SHB: variants seen among roughly 807,000 people sequenced by gnomAD.
SHB encodes SH2 domain-containing adapter protein B.
Under a neutral mutation model 52.3 loss-of-function variants are expected in SHB, and 20 were observed. The ratio of observed to expected loss-of-function variants is 0.38; its 90% CI spans 0.27 to 0.56. The LOEUF (loss-of-function observed/expected upper bound fraction) is 0.56, where lower values mean the gene tolerates loss of function less well. Among genes scored for constraint, SHB ranks in the 20% least tolerant of loss-of-function variants. The probability of loss-of-function intolerance (pLI) is 0.71; values close to 1 mark genes in which losing one functional copy is unlikely to be tolerated. For synonymous variants in SHB, 397 were observed against 316.5 expected (o/e 1.25, Z -2.70); for missense variants, 825 against 723.3 (o/e 1.14, Z -1.61).
At chr9:37,964,135 C>T (rs745597775) in intron 3 of SHB, among the ~76,000 whole-genome samples, 1 of 152,216 alleles carries the variant, frequency 6.6e-6, no homozygotes, top group Non-Finnish European at 1.5e-5. Flanking sequence ...GGATCACCAA[C>T]AAGAGGCCTC....
intron 2 of SHB, among the ~76,000 whole-genome samples, chr9:37,996,565 G>C (rs1332770863): frequency 1.3e-5 from 2 of 152,180 alleles, no homozygotes; most frequent in Non-Finnish European, 2.9e-5. Context: ...TATCTCTATA[G>C]TACCAACTGG....
chr9:37,958,686 T>C (rs1832661761), intron 3 of SHB, among the ~76,000 whole-genome samples: 1 of 152,138 alleles, frequency 6.6e-6, no homozygotes. Flanking sequence ...CATCAGCTAA[T>C]AAGGGGGCTT....
chr9:37,984,839 G>T (rs1377557968), intron 2 of SHB, among the ~76,000 whole-genome samples: 1 of 152,148 alleles, frequency 6.6e-6, no homozygotes, highest in Non-Finnish European at 1.5e-5. Context: ...CCTAACCAGG[G>T]TGCTTCAACG....
At chr9:37,964,974 A>G (rs1355289845) in intron 3 of SHB, among the ~76,000 whole-genome samples, 2 of 152,238 alleles carry the variant, frequency 1.3e-5, no homozygotes, top group East Asian at 3.8e-4. Context: ...CTGATACAGT[A>G]TGTCTCCCGA....
intron 5 of SHB, among the ~76,000 whole-genome samples, chr9:37,945,222 C>CA (rs1487855288): frequency 1.3e-5 from 2 of 152,206 alleles, no homozygotes; most frequent in African/African-American, 4.8e-5. Flanking sequence ...CTGACAGTGT[C>CA]AAGAATGCCA....
intron 1 of SHB, among the ~76,000 whole-genome samples, chr9:38,039,188 G>C (rs1821535302): frequency 6.6e-6 from 1 of 152,218 alleles, no homozygotes; most frequent in African/African-American, 2.4e-5. Context: ...GTCAGATACT[G>C]CTGTCAGGCG....
chr9:38,036,357 A>G (rs1424435608), intron 1 of SHB, among the ~76,000 whole-genome samples: 2 of 152,248 alleles, frequency 1.3e-5, no homozygotes, highest in African/African-American at 4.8e-5. Flanking sequence ...GGGAGGAACA[A>G]AAGTTAGGGC....
chr9:38,050,670 C>T (rs1314816448), intron 1 of SHB, among the ~76,000 whole-genome samples: 5 of 152,140 alleles, frequency 3.3e-5, no homozygotes, highest in Non-Finnish European at 5.9e-5. Flanking sequence ...ATGTATACAA[C>T]TGAAATTTAC....
chr9:37,960,196 G>T (rs943837451), intron 3 of SHB, among the ~76,000 whole-genome samples: 1 of 152,182 alleles, frequency 6.6e-6, no homozygotes, highest in African/African-American at 2.4e-5. Flanking sequence ...AACTCCAAGT[G>T]CAGTGATTCG....
chr9:38,002,053 A>G (rs957576580), intron 2 of SHB, among the ~76,000 whole-genome samples: 2 of 152,098 alleles, frequency 1.3e-5, no homozygotes, highest in African/African-American at 4.8e-5. Flanking sequence ...AAGAGACCCT[A>G]GCTCAAGCCC....
At position 38,067,959 on chromosome 9, in the gene SHB, C is replaced by A; in HGVS notation, c.687G>T (p.Ala229=). ...KLLNKCAASA[A]EESGAGKKDK... ...CCTTCTTGCCGGCCCCGCTCTCCTC[C>A]GCGGCTGAGGCGGCGCACTTGTTGA... Residue 229 remains alanine, a synonymous_variant, in exon 1 of 6, where the codon GCG becomes GCT. Coordinates refer to ENST00000377707, the MANE Select transcript of SHB (RefSeq NM_003028.3). 2 of 1,551,458 alleles carry A rather than the reference C, an allele frequency of 1.3e-6. No homozygotes were observed. Among genetic ancestry groups the A allele is most frequent in the Admixed American group, 1.8e-5 (1 of 54,176 alleles).
At position 38,068,192 on chromosome 9, in the gene SHB, A is replaced by AGGACGC. The variant is rs991270304; in HGVS notation, c.448_453dup (p.Ala150_Ser151dup). On this transcript the variant is annotated inframe_insertion, in exon 1 of 6. Coordinates refer to ENST00000377707, the MANE Select transcript of SHB (RefSeq NM_003028.3). ...TGCGGAGAGCCGGAGGACGAGGACGAGGACGCGGCGGCCCCCGCGCCCGAG... is the reference window on the plus strand; with the variant it reads ...TGCGGAGAGCCGGAGGACGAGGACGAGGACGCGGACGCGGCGGCCCCCGCGCCCGAG... The AGGACGC allele has an allele frequency of 7.1e-6, 10 of 1,409,822 alleles. No individual in the cohort carries two copies. Among genetic ancestry groups the AGGACGC allele is most frequent in the African/African-American group, 6.0e-5 (4 of 66,218 alleles). The allele number at this position is 1,409,822 out of a possible 1,614,324, so 87.3% of individuals were successfully genotyped here.
chr9:38,068,185 G>C lies in SHB; in HGVS notation c.461C>G (p.Ser154Trp). 2 of 1,414,882 alleles carry C rather than the reference G, an allele frequency of 1.4e-6. No individual in the cohort carries two copies. The highest frequency in any genetic ancestry group is 2.5e-4 in the Middle Eastern group (1 of 4,076). 87.6% of individuals were successfully genotyped at this position (1,414,882 alleles called of 1,614,324 possible). The stretch of plus-strand genomic sequence containing the variant: ...GTAGAGATGCGGAGAGCCGGAGGAC[G>C]AGGACGAGGACGCGGCGGCCCCCGC... ...SGAGAAASSS[S>W]SSGSPHLYRS... Residue 154 changes from serine (S) to tryptophan (W), a missense_variant, in exon 1 of 6, where the codon TCG becomes TGG. By Grantham distance (177) the Ser-to-Trp change is radical (BLOSUM62 -3). Coordinates refer to ENST00000377707, the MANE Select transcript of SHB (RefSeq NM_003028.3).
At chr9:37,952,145 G>T (rs975539068) in intron 4 of SHB, among the ~76,000 whole-genome samples, 2 of 151,940 alleles carry the variant, frequency 1.3e-5, no homozygotes, top group Non-Finnish European at 2.9e-5. Context: ...GGGAGAGGAA[G>T]AGTCAACAGA....
At chr9:38,025,161 C>T (rs897304971) in intron 1 of SHB, among the ~76,000 whole-genome samples, 1 of 152,122 alleles carries the variant, frequency 6.6e-6, no homozygotes, top group African/African-American at 2.4e-5. Flanking sequence ...CAGAAGAACC[C>T]CCCTACCTCC....
chr9:38,046,236 T>G (rs569572359), intron 1 of SHB, among the ~76,000 whole-genome samples: 1 of 152,152 alleles, frequency 6.6e-6, no homozygotes, highest in South Asian at 2.1e-4. Flanking sequence ...GGGCAAAGCT[T>G]CACTTCTGTA....
intron 2 of SHB, among the ~76,000 whole-genome samples, chr9:37,976,503 C>T (rs545879137): frequency 6.6e-6 from 1 of 152,204 alleles, no homozygotes; most frequent in African/African-American, 2.4e-5. Flanking sequence ...CCTCAGCCCC[C>T]ACAATTACCC....
chr9:37,942,075 A>C (rs1226731027), intron 5 of SHB, among the ~76,000 whole-genome samples: 1 of 152,224 alleles, frequency 6.6e-6, no homozygotes, highest in Non-Finnish European at 1.5e-5. Flanking sequence ...ATATTAATCA[A>C]TGAAGGGACA....
chr9:37,984,378 C>A (rs868559147), intron 2 of SHB, among the ~76,000 whole-genome samples: 6 of 152,322 alleles, frequency 3.9e-5, no homozygotes, highest in African/African-American at 1.2e-4. Flanking sequence ...TCTGACACCC[C>A]CACATAGGAG....
Sources: allele counts gnomAD v4.1 joint callset (sites outside exome capture counted in the v4.1 genomes callset), GRCh38; gene constraint gnomAD v4.1.1; transcripts MANE v1.5; gene names NCBI Gene and HGNC (gene_info 2026-07-23, HGNC 2026-07-21).